The following ZC3H14 variants were observed in gnomAD, a reference collection of about 807,000 sequenced individuals.
ZC3H14 encodes the protein zinc finger CCCH domain-containing protein 14.
A neutral mutation model predicts 92.4 loss-of-function variants in ZC3H14; 31 were observed. The observed-to-expected ratio is 0.34, with a 90% CI of 0.25 to 0.45. ZC3H14 has a LOEUF of 0.45. Among genes scored for constraint, ZC3H14 ranks in the 20% least tolerant of loss-of-function variants. The pLI is 1.00. For synonymous variants in ZC3H14, 321 were observed against 300.9 expected (o/e 1.07, Z -0.69); for missense variants, 781 against 897.3 (o/e 0.87, Z 1.66).
Position 88,611,526 on chromosome 14 carries a change from T to G in ZC3H14, c.2205-219T>G, listed in dbSNP as rs532851899. Among the ~76,000 whole-genome samples the G allele has an allele frequency of 3.3e-5, 5 of 152,334 alleles. No homozygotes were observed. In the East Asian group the frequency reaches 9.6e-4, roughly 29 times the overall value. On this transcript the variant is annotated intron_variant, in intron 16 of 16. Transcript: ENST00000251038. ...CAACTGGGAGATACTGAAAGGAAGT[T>G]TCAAAATATTTTAGTGTGGCCAGAA... is the stretch of plus-strand genomic sequence containing the variant.
Position 88,619,445 on chromosome 14 carries a change from T to A in ZC3H14, c.*7694T>A, listed in dbSNP as rs2088436736. On this transcript the variant is annotated 3_prime_UTR_variant, in exon 17 of 17. Transcript: ENST00000251038. ...GTCCCAAACTCCTGGCCTCAAGCAATCCTTCCCCCTTGGCCTCCCAAGGTA... is the reference window on the plus strand; with the variant it reads ...GTCCCAAACTCCTGGCCTCAAGCAAACCTTCCCCCTTGGCCTCCCAAGGTA... The A allele has an allele frequency of 6.6e-6, 1 of 152,272 alleles. No homozygotes were observed. Among genetic ancestry groups the A allele is most frequent in the Non-Finnish European group, 1.5e-5 (1 of 68,104 alleles). 9.4% of individuals were successfully genotyped at this position (152,272 alleles called of 1,614,324 possible). A position where few individuals can be genotyped will look rare whatever the true frequency, so the allele number is the denominator to read the frequency against.
At position 88,587,380 on chromosome 14, in the gene ZC3H14, G is replaced by C. The variant is rs1328826375; in HGVS notation, c.1279+9240G>C. ...AGGGTCTCACCATCATGCCCAGGCTGGTCTCAAACTCCTGAGCTCAGGCAG... is the reference window on the plus strand; with the variant it reads ...AGGGTCTCACCATCATGCCCAGGCTCGTCTCAAACTCCTGAGCTCAGGCAG... On this transcript the variant is annotated intron_variant, in intron 9 of 16. Coordinates refer to ENST00000251038, the MANE Select transcript of ZC3H14 (RefSeq NM_024824.5). Among the ~76,000 whole-genome samples the C allele has an allele frequency of 3.3e-5, 5 of 152,082 alleles. No homozygotes were observed. The East Asian group carries it at 9.7e-4, about 30-fold the overall frequency.
chr14:88,627,435 G>T lies in ZC3H14; in HGVS notation c.*15684G>T. ...TGAATCATTTATAATGCTAATAATG[G>T]TTTCATTAATTTATCTGTTTTGTGA... is the stretch of plus-strand genomic sequence containing the variant. On this transcript the variant is annotated 3_prime_UTR_variant, in exon 17 of 17. Transcript: ENST00000251038. 1.9e-6 allele frequency: 1 copy of T among 519,440 alleles called. No homozygotes were observed. Among genetic ancestry groups the T allele is most frequent in the South Asian group, 3.2e-5 (1 of 31,732 alleles). 32.2% of individuals were successfully genotyped at this position (519,440 alleles called of 1,614,324 possible). A position where few individuals can be genotyped will look rare whatever the true frequency, so the allele number is the denominator to read the frequency against.
chr14:88,585,724 T>C (rs1349615370), intron 9 of ZC3H14, among the ~76,000 whole-genome samples: 1 of 152,104 alleles, frequency 6.6e-6, no homozygotes, highest in East Asian at 1.9e-4. Context: ...CCAGTGAAAT[T>C]TTACCACACA....
rs756510676 is a variant in ZC3H14 at position 88,627,061 on chromosome 14, C to T, written c.*15310C>T. The T allele has an allele frequency of 4.3e-6, 7 of 1,612,490 alleles. No individual in the cohort carries two copies. The highest frequency in any genetic ancestry group is 1.7e-5 in the Admixed American group (1 of 60,012). ...AATTTTGGCACCTGACAAGATACAA[C>T]AAAATTATCTAGGTTATTACAAGAA... On this transcript the variant is annotated 3_prime_UTR_variant, in exon 17 of 17. Transcript: ENST00000251038.
chr14:88,566,924 GAAAA>G (rs1159219239), intron 2 of ZC3H14, among the ~76,000 whole-genome samples: 3 of 116,020 alleles, frequency 2.6e-5, no homozygotes, highest in Non-Finnish European at 5.6e-5. Flanking sequence ...TGTCGTAAAA[GAAAA>G]AAAAAAAAAA....
At chr14:88,583,370 A>G (rs1266544541) in intron 9 of ZC3H14, among the ~76,000 whole-genome samples, 1 of 152,036 alleles carries the variant, frequency 6.6e-6, no homozygotes, top group African/African-American at 2.4e-5. Flanking sequence ...CTCTTGCCTC[A>G]GCCTCCCAAA....
rs776917412 is a variant in ZC3H14 at position 88,578,071 on chromosome 14, A to G, written c.1210A>G (p.Arg404Gly). The G allele has an allele frequency of 1.9e-6, 3 of 1,614,192 alleles. 1 individual carries two copies. Among genetic ancestry groups the G allele is most frequent in the Non-Finnish European group, 2.5e-6 (3 of 1,180,026 alleles). ...LLAEVVQGQS[R>G]TPRISPPIKE... is the part of the protein sequence containing the mutation. ...AGCAGAAGTGGTCCAGGGACAAAGT[A>G]GGACCCCCAGAATAAGTCCCCCCAT... Residue 404 changes from arginine (R) to glycine (G), a missense_variant, in exon 9 of 17, where the codon AGG (arginine) becomes GGG (glycine). Coordinates refer to ENST00000251038, the MANE Select transcript of ZC3H14 (RefSeq NM_024824.5).
chr14:88,564,152 T>G (rs1298356077), intron 2 of ZC3H14, among the ~76,000 whole-genome samples: 2 of 152,186 alleles, frequency 1.3e-5, no homozygotes, highest in African/African-American at 2.4e-5. Flanking sequence ...GACATTTGTT[T>G]TTAGAACTCT....
rs918366892 is a variant in ZC3H14 at position 88,563,448 on chromosome 14, T to C, written c.37-203T>C. The C allele has an allele frequency of 4.6e-5, 66 of 1,433,016 alleles. No individual in the cohort carries two copies. The African/African-American group carries it at 9.3e-4, about 20-fold the overall frequency. 88.8% of individuals were successfully genotyped at this position (1,433,016 alleles called of 1,614,324 possible). The stretch of plus-strand genomic sequence containing the variant: ...GCGCACGGCGCCGCTTTGGATCCGC[T>C]GCGGGAGGTGGGCGCCGCGGGGCTG... On this transcript the variant is annotated intron_variant, in intron 1 of 16. Transcript: ENST00000251038.
chr14:88,593,912 C>T (rs1233957994), intron 9 of ZC3H14, among the ~76,000 whole-genome samples: 1 of 149,532 alleles, frequency 6.7e-6, no homozygotes, highest in Admixed American at 6.6e-5. Context: ...AAAAAGACAA[C>T]AAAATGGGAG....
Position 88,622,503 on chromosome 14 carries a change from A to G in ZC3H14, c.*10752A>G, listed in dbSNP as rs1175662818. 3.3e-6 allele frequency: 3 copies of G among 899,360 alleles called. No homozygotes were observed. Among genetic ancestry groups the G allele is most frequent in the Non-Finnish European group, 4.8e-6 (3 of 630,802 alleles). The allele number at this position is 899,360 out of a possible 1,614,324, so 55.7% of individuals were successfully genotyped here. On this transcript the variant is annotated 3_prime_UTR_variant, in exon 17 of 17. Transcript: ENST00000251038. ...TTGGCAAGCAAATCCATCGTTATGCATTATTAAGTATTGTTCATTAGGCTG... is the reference window on the plus strand; with the variant it reads ...TTGGCAAGCAAATCCATCGTTATGCGTTATTAAGTATTGTTCATTAGGCTG...
At chr14:88,601,048 C>T (rs1374530071) in intron 10 of ZC3H14, among the ~76,000 whole-genome samples, 10 of 152,138 alleles carry the variant, frequency 6.6e-5, no homozygotes, top group African/African-American at 1.4e-4. Context: ...CTAAGCTTTT[C>T]GTTGGTTCTT....
rs2081118312 is a variant in ZC3H14 at position 88,576,063 on chromosome 14, G to A, written c.1123+123G>A. ...CTGTCAGATGTCAAGACCAAGATGA[G>A]GTTCCCATATAGAAAAATGGCTTTA... On this transcript the variant is annotated intron_variant, in intron 8 of 16. Coordinates refer to ENST00000251038, the MANE Select transcript of ZC3H14 (RefSeq NM_024824.5). The A allele has an allele frequency of 4.8e-6, 4 of 838,808 alleles. No homozygotes were observed. The East Asian group carries it at 8.0e-5, about 17-fold the overall frequency. 52.0% of individuals were successfully genotyped at this position (838,808 alleles called of 1,614,324 possible). A position where few individuals can be genotyped will look rare whatever the true frequency, so the allele number is the denominator to read the frequency against.
At chr14:88,584,326 A>G (rs1047628326) in intron 9 of ZC3H14, among the ~76,000 whole-genome samples, 6 of 152,220 alleles carry the variant, frequency 3.9e-5, no homozygotes, top group African/African-American at 1.2e-4. Context: ...TAGATAAACT[A>G]TATAGCCTAG....
Position 88,626,788 on chromosome 14 carries a change from G to A in ZC3H14, c.*15037G>A, listed in dbSNP as rs763120811. The A allele has an allele frequency of 1.9e-6, 3 of 1,579,802 alleles. No homozygotes were observed. The highest frequency in any genetic ancestry group is 2.7e-5 in the African/African-American group (2 of 74,234). ...TCATGTGGCTGATGATCTAAGGCAA[G>A]AGAATGTAAAGTAGTCAAAGTCACA... On this transcript the variant is annotated 3_prime_UTR_variant, in exon 17 of 17. Coordinates refer to ENST00000251038, the MANE Select transcript of ZC3H14 (RefSeq NM_024824.5).
chr14:88,623,903 G>A lies in ZC3H14; in HGVS notation c.*12152G>A, dbSNP rs2089499694. 6.6e-6 allele frequency: 1 copy of A among 152,198 alleles called. No individual in the cohort carries two copies. Among genetic ancestry groups the A allele is most frequent in the African/African-American group, 2.4e-5 (1 of 41,454 alleles). The allele number at this position is 152,198 out of a possible 1,614,324, so 9.4% of individuals were successfully genotyped here. A position where few individuals can be genotyped will look rare whatever the true frequency, so the allele number is the denominator to read the frequency against. On this transcript the variant is annotated 3_prime_UTR_variant, in exon 17 of 17. Transcript: ENST00000251038. ...TTTATTCCTGGAAGGGCTGAAAAATGTATTCCTTCCTTTTCTGCTAGATGA... is the reference window on the plus strand; with the variant it reads ...TTTATTCCTGGAAGGGCTGAAAAATATATTCCTTCCTTTTCTGCTAGATGA...
chr14:88,571,700 G>A (rs774110401), intron 4 of ZC3H14, among the ~76,000 whole-genome samples: 13 of 152,288 alleles, frequency 8.5e-5, no homozygotes, highest in African/African-American at 2.4e-4. Flanking sequence ...GGTGGCTCAC[G>A]CCTGTAATCC....
Position 88,618,682 on chromosome 14 carries a change from T to C in ZC3H14, c.*6931T>C. On this transcript the variant is annotated 3_prime_UTR_variant, in exon 17 of 17. Coordinates refer to ENST00000251038, the MANE Select transcript of ZC3H14 (RefSeq NM_024824.5). ...TAACTGCTATCTGCAGAGAAGTCCA[T>C]TTGAATGACAAAGCTTGGAATGTCT... is the stretch of plus-strand genomic sequence containing the variant. The C allele has an allele frequency of 1.2e-6, 2 of 1,612,922 alleles. No individual in the cohort carries two copies. Among genetic ancestry groups the C allele is most frequent in the Non-Finnish European group, 1.7e-6 (2 of 1,179,466 alleles).
Sources: gnomAD v4.1 joint callset for allele counts (sites outside exome capture counted in the v4.1 genomes callset) on GRCh38, gnomAD v4.1.1 for gene constraint, MANE v1.5 for transcripts, NCBI Gene and HGNC (gene_info 2026-07-23, HGNC 2026-07-21) for gene names.